The following WDFY4 variants were observed in gnomAD, a reference collection of about 807,000 sequenced individuals.
WDFY4 encodes the protein WD repeat- and FYVE domain-containing protein 4.
Under a neutral mutation model 351.9 loss-of-function variants are expected in WDFY4, and 169 were observed. The observed-to-expected ratio is 0.48, with a 90% CI of 0.42 to 0.55. The LOEUF (loss-of-function observed/expected upper bound fraction) is 0.55, where lower values mean the gene tolerates loss of function less well. WDFY4 is among the 20% of genes least tolerant of loss of function. The pLI is 0.00. For missense variants in WDFY4, 3,803 were observed against 3,935.6 expected (o/e 0.97, Z 0.90); for synonymous variants, 1,622 against 1,574.6 (o/e 1.03, Z -0.71).
At position 48,964,457 on chromosome 10, in the gene WDFY4, C is replaced by T. The variant is rs558332116; in HGVS notation, c.8436+403C>T. ...GTGTGATTATATCATTGAAATCTCTCGTGAGCTCTGGATATAGAGAGTATT... is the reference window on the plus strand; with the variant it reads ...GTGTGATTATATCATTGAAATCTCTTGTGAGCTCTGGATATAGAGAGTATT... On this transcript the variant is annotated intron_variant, in intron 54 of 61. Transcript: ENST00000325239. Among the ~76,000 whole-genome samples the T allele has an allele frequency of 5.3e-5, 8 of 152,336 alleles. No individual in the cohort carries two copies. In the South Asian group the frequency reaches 1.0e-3, roughly 20 times the overall value.
chr10:48,822,341 A>T (rs1209814993), intron 34 of WDFY4, 39 bp from the exon 35 acceptor site: 1 of 1,495,764 alleles, frequency 6.7e-7, no homozygotes, highest in African/African-American at 1.4e-5. Flanking sequence ...ACAGAAGTCC[A>T]TTTAGACTCT....
At chr10:48,952,355 C>A (rs1405707976) in intron 51 of WDFY4, among the ~76,000 whole-genome samples, 2 of 152,168 alleles carry the variant, frequency 1.3e-5, no homozygotes, top group African/African-American at 4.8e-5. Context: ...CTGCCAGCCT[C>A]CCTCTGATTA....
rs41281997 is a variant in WDFY4 at position 48,727,521 on chromosome 10, C to A, written c.833C>A (p.Thr278Asn). The change falls in exon 7 of 62, where the codon ACT becomes AAT. Residue 278 changes from threonine to asparagine, a missense_variant. By Grantham distance (65) the Thr-to-Asn change is moderately conservative. Around this residue, in one of 3 missense-constraint regions of WDFY4, gnomAD observed 488 missense variants for 456.8 expected, o/e 1.07. Transcript: ENST00000325239. ...CAGAACCTCTCCAGGCTCACGGACACTCTCCCTGCCCCTGAAGTGAGCGAG... is the reference window on the plus strand; with the variant it reads ...CAGAACCTCTCCAGGCTCACGGACAATCTCCCTGCCCCTGAAGTGAGCGAG... ...SLQNLSRLTDTLPAPEVSEAV... is the reference protein window; with the variant it reads ...SLQNLSRLTDNLPAPEVSEAV... 159 of 1,551,686 alleles carry A rather than the reference C, an allele frequency of 1.0e-4. No homozygotes were observed. Among genetic ancestry groups the A allele is most frequent in the Non-Finnish European group, 1.3e-4 (152 of 1,147,018 alleles).
chr10:48,795,309 T>C (rs1489732438), intron 23 of WDFY4, among the ~76,000 whole-genome samples: 1 of 151,648 alleles, frequency 6.6e-6, no homozygotes, highest in Non-Finnish European at 1.5e-5. Flanking sequence ...CCATGATCTT[T>C]AGGATAAGAA....
chr10:48,770,881 A>G (rs1392383627), intron 13 of WDFY4, among the ~76,000 whole-genome samples: 2 of 152,208 alleles, frequency 1.3e-5, no homozygotes, highest in Non-Finnish European at 2.9e-5. Context: ...CAGTGACATC[A>G]TGTGCTCAGG....
At chr10:48,777,350 CA>C in intron 16 of WDFY4, 68 bp from the exon 17 acceptor site, 2 of 1,410,918 alleles carry the variant, frequency 1.4e-6, no homozygotes, top group South Asian at 2.5e-5. Flanking sequence ...TGTCATGGCC[CA>C]GACTAGCTGT....
chr10:48,785,519 A>G lies in WDFY4; in HGVS notation c.3577-1120A>G, dbSNP rs571692599. 3.3e-5 allele frequency among the ~76,000 whole-genome samples: 5 copies of G among 152,278 alleles called. No individual in the cohort carries two copies. In the South Asian group the frequency reaches 1.0e-3, roughly 32 times the overall value. ...ATCAATTATGAATTAATTTTTGTATAAGGTGTAAGGTTTAAGTTCATTTCT... is the reference window on the plus strand; with the variant it reads ...ATCAATTATGAATTAATTTTTGTATGAGGTGTAAGGTTTAAGTTCATTTCT... On this transcript the variant is annotated intron_variant, in intron 19 of 61. Coordinates refer to ENST00000325239, the MANE Select transcript of WDFY4 (RefSeq NM_001394531.1).
intron 11 of WDFY4, among the ~76,000 whole-genome samples, chr10:48,739,852 T>C (rs996576001): frequency 6.6e-6 from 1 of 152,216 alleles, no homozygotes; most frequent in African/African-American, 2.4e-5. Flanking sequence ...ATTGGGTTGC[T>C]TTGCTTTTTA....
chr10:48,863,192 T>G (rs905855680), intron 39 of WDFY4, among the ~76,000 whole-genome samples: 1 of 152,226 alleles, frequency 6.6e-6, no homozygotes, highest in Admixed American at 6.5e-5. Flanking sequence ...GACACAATTT[T>G]TATCTTGGGT....
chr10:48,952,518 G>C (rs541651947), intron 51 of WDFY4, among the ~76,000 whole-genome samples: 2 of 152,314 alleles, frequency 1.3e-5, no homozygotes, highest in East Asian at 3.9e-4. Flanking sequence ...ATAATCTCCT[G>C]GCTCTAGAAC....
intron 39 of WDFY4, among the ~76,000 whole-genome samples, chr10:48,854,264 A>G (rs1026901346): frequency 1.3e-5 from 2 of 151,996 alleles, no homozygotes; most frequent in Non-Finnish European, 2.9e-5. Flanking sequence ...GTACACCACC[A>G]TGCCCAGCTA....
chr10:48,798,551 C>T (rs905504350), intron 24 of WDFY4, among the ~76,000 whole-genome samples: 3 of 152,132 alleles, frequency 2.0e-5, no homozygotes, highest in African/African-American at 4.8e-5. Flanking sequence ...ACAATCTCAT[C>T]GAAAATGTAA....
chr10:48,920,491 AT>A (rs1838971489), intron 47 of WDFY4, among the ~76,000 whole-genome samples: 1 of 152,220 alleles, frequency 6.6e-6, no homozygotes, highest in Admixed American at 6.5e-5. Context: ...CGTTGTGCAC[AT>A]ATACCCTAAA....
intron 12 of WDFY4, among the ~76,000 whole-genome samples, chr10:48,754,957 A>T (rs144824795): frequency 6.6e-6 from 1 of 152,230 alleles, no homozygotes; most frequent in Non-Finnish European, 1.5e-5. Context: ...CATGAAGTAA[A>T]AGTCTCTTTT....
At chr10:48,921,058 A>C (rs1839029594) in intron 47 of WDFY4, among the ~76,000 whole-genome samples, 1 of 152,228 alleles carries the variant, frequency 6.6e-6, no homozygotes, top group Non-Finnish European at 1.5e-5. Flanking sequence ...ACTTAATGTC[A>C]ACTCTCCCCA....
At chr10:48,787,420 A>G (rs1036197001) in intron 20 of WDFY4, among the ~76,000 whole-genome samples, 10 of 152,134 alleles carry the variant, frequency 6.6e-5, no homozygotes, top group Admixed American at 5.9e-4. Flanking sequence ...TTTGAATTTC[A>G]TTTCCTGTGG....
chr10:48,917,461 C>T (rs192919520), intron 47 of WDFY4, among the ~76,000 whole-genome samples: 41 of 152,302 alleles, frequency 2.7e-4, no homozygotes, highest in Middle Eastern at 6.8e-3. Flanking sequence ...CATAATCAAA[C>T]TGCTCCAAAT....
chr10:48,969,415 C>G (rs955499074), intron 56 of WDFY4, among the ~76,000 whole-genome samples, 167 bp downstream of exon 56: 10 of 152,200 alleles, frequency 6.6e-5, no homozygotes, highest in African/African-American at 2.2e-4. Context: ...TGCAAAGGCC[C>G]TCCTTGGGCC....
At chr10:48,799,331 A>G (rs2066977640) in intron 24 of WDFY4, among the ~76,000 whole-genome samples, 3 of 150,390 alleles carry the variant, frequency 2.0e-5, no homozygotes, top group African/African-American at 7.6e-5. Context: ...TTGAGGGGAG[A>G]GAATTTCAAA....
Sources: allele counts gnomAD v4.1 joint callset (sites outside exome capture counted in the v4.1 genomes callset), GRCh38; gene constraint gnomAD v4.1.1; regional missense constraint gnomAD v4.1.1; transcripts MANE v1.5; gene names NCBI Gene and HGNC (gene_info 2026-07-23, HGNC 2026-07-21).